Variants in PHLPP1 observed in about 807,000 individuals in gnomAD.
The protein encoded by PHLPP1 is PH domain leucine-rich repeat-containing protein phosphatase 1.
A neutral mutation model predicts 117.2 loss-of-function variants in PHLPP1; 42 were observed. The ratio of observed to expected loss-of-function variants is 0.36; its 90% CI spans 0.28 to 0.46. The LOEUF (loss-of-function observed/expected upper bound fraction) is 0.46, where lower values mean the gene tolerates loss of function less well. Among genes scored for constraint, PHLPP1 ranks in the 20% least tolerant of loss-of-function variants. The pLI, the probability that PHLPP1 is intolerant of heterozygous loss-of-function variation, is 1.00. For synonymous variants in PHLPP1, 1,042 were observed against 970.7 expected (o/e 1.07, Z -1.37); for missense variants, 2,084 against 2,241.9 (o/e 0.93, Z 1.42).
Position 62,716,877 on chromosome 18 carries a change from C to G in PHLPP1, c.1194C>G (p.Gly398=). Residue 398 remains glycine (G), a synonymous_variant, in exon 1 of 17, where the codon GGC becomes GGG. Coordinates refer to ENST00000262719, the MANE Select transcript of PHLPP1 (RefSeq NM_194449.4). The surrounding 1 kb of genome is among the most constrained non-coding windows in gnomAD (Gnocchi z 5.7). ...TGVPGQPRRP[G]HPAQPLPLPQ... is the part of the protein sequence containing the mutation. ...TCCCGGGCCAGCCCCGCCGTCCCGG[C>G]CACCCCGCGCAGCCCCTCCCGCTTC... 1 of 1,524,624 alleles carries G rather than the reference C, an allele frequency of 6.6e-7. No homozygotes were observed. Among genetic ancestry groups the G allele is most frequent in the Non-Finnish European group, 8.8e-7 (1 of 1,142,036 alleles). 94.4% of individuals were successfully genotyped at this position (1,524,624 alleles called of 1,614,324 possible).
intron 1 of PHLPP1, among the ~76,000 whole-genome samples, chr18:62,720,174 G>GT: frequency 6.6e-6 from 1 of 152,172 alleles, no homozygotes; most frequent in South Asian, 2.1e-4. Context: ...GTAATTATAG[G>GT]TTAAAAAATT....
intron 1 of PHLPP1, among the ~76,000 whole-genome samples, chr18:62,806,218 G>T (rs1037003635): frequency 2.6e-5 from 4 of 152,070 alleles, no homozygotes; most frequent in African/African-American, 9.7e-5. Flanking sequence ...AGGGAGAATT[G>T]GTAATAAGAT....
intron 1 of PHLPP1, among the ~76,000 whole-genome samples, chr18:62,760,534 C>T (rs149862876): frequency 1.3e-4 from 20 of 152,264 alleles, no homozygotes; most frequent in Non-Finnish European, 1.9e-4. Context: ...CTGGTTTCAC[C>T]GTTTACCAGT....
At chr18:62,886,307 G>T (rs986556625) in intron 4 of PHLPP1, among the ~76,000 whole-genome samples, 4 of 152,096 alleles carry the variant, frequency 2.6e-5, no homozygotes, top group Non-Finnish European at 5.9e-5. Flanking sequence ...TTATTTTAGA[G>T]ACAGGTTCTT....
In PHLPP1 at chr18:62,979,583, C is replaced by T. The variant is rs775042614; in HGVS notation, c.*152C>T. 1 of 819,796 alleles carries T rather than the reference C, an allele frequency of 1.2e-6. No homozygotes were observed. Among genetic ancestry groups the T allele is most frequent in the Non-Finnish European group, 1.9e-6 (1 of 533,442 alleles). The allele number at this position is 819,796 out of a possible 1,614,324, so 50.8% of individuals were successfully genotyped here. On this transcript the variant is annotated 3_prime_UTR_variant, in exon 17 of 17. Coordinates refer to ENST00000262719, the MANE Select transcript of PHLPP1 (RefSeq NM_194449.4). ...CGCAGCTAATCTGTAGGTTCTCTTT[C>T]TTTGGGTTATTTTTTTAAGTAATCA... is the stretch of plus-strand genomic sequence containing the variant.
chr18:62,950,290 T>C (rs752177641), intron 12 of PHLPP1, among the ~76,000 whole-genome samples: 16 of 152,218 alleles, frequency 1.1e-4, no homozygotes, highest in Non-Finnish European at 2.2e-4. Flanking sequence ...TGTGTTACCT[T>C]AACTGGGAAA....
chr18:62,816,302 A>G (rs929477916), intron 1 of PHLPP1, among the ~76,000 whole-genome samples: 5 of 152,180 alleles, frequency 3.3e-5, no homozygotes, highest in African/African-American at 1.2e-4. Context: ...GCAGTGGCTC[A>G]CGCCTGTAAT....
chr18:62,878,064 A>G (rs1916091765), intron 4 of PHLPP1, among the ~76,000 whole-genome samples: 1 of 152,188 alleles, frequency 6.6e-6, no homozygotes, highest in African/African-American at 2.4e-5. Context: ...GTCCACTTCC[A>G]TTCTTTGAGC....
rs562765245 is a variant in PHLPP1 at position 62,815,096 on chromosome 18, T to A, written c.1577-14939T>A. ...AGGGTCCATCTTGAAGTTTGCAGTC[T>A]GGCCCTAGGGGCTGGAGTTCTCTGG... On this transcript the variant is annotated intron_variant, in intron 1 of 16. Coordinates refer to ENST00000262719, the MANE Select transcript of PHLPP1 (RefSeq NM_194449.4). 4.0e-5 allele frequency among the ~76,000 whole-genome samples: 6 copies of A among 151,858 alleles called. 1 individual carries two copies. In the South Asian group the frequency reaches 1.0e-3, roughly 26 times the overall value.
intron 3 of PHLPP1, 50 bp downstream of exon 3, chr18:62,838,959 A>C (rs1275568321): frequency 1.9e-6 from 3 of 1,603,920 alleles, no homozygotes; most frequent in South Asian, 1.1e-5. Context: ...GCTGGCTACA[A>C]AGTTCCTTTC....
intron 4 of PHLPP1, among the ~76,000 whole-genome samples, chr18:62,887,768 C>A (rs750108958): frequency 1.3e-5 from 2 of 151,896 alleles, no homozygotes; most frequent in African/African-American, 4.8e-5. Context: ...GGTAGAGTCT[C>A]ACTGTATTGC....
intron 3 of PHLPP1, among the ~76,000 whole-genome samples, chr18:62,858,585 A>G (rs376397091): frequency 1.3e-5 from 2 of 152,108 alleles, no homozygotes; most frequent in East Asian, 3.9e-4. Context: ...TCTTAGGCAG[A>G]TTTACTTCTG....
At position 62,895,849 on chromosome 18, in the gene PHLPP1, A is replaced by T. The variant is rs1916548120; in HGVS notation, c.2282A>T (p.Gln761Leu). 6 of 1,613,628 alleles carry T rather than the reference A, an allele frequency of 3.7e-6. No homozygotes were observed. The highest frequency in any genetic ancestry group is 4.2e-6 in the Non-Finnish European group (5 of 1,179,624). Residue 761 changes from glutamine to leucine, a missense_variant, in exon 6 of 17, where the codon CAG becomes CTG. Physicochemically the swap from Gln to Leu is moderately radical, Grantham distance 113. This residue lies in a region of PHLPP1 where 1,365 missense variants were observed against 1,605.9 expected (regional missense o/e 0.85). Transcript: ENST00000262719. The part of the protein sequence containing the change: ...SLPAELENMK[Q>L]LSYLGLSFNE... ...CCTGCTGAGTTGGAGAACATGAAGCAGCTTAGTTATCTGGGTCTTTCTTTC... is the reference window on the plus strand; with the variant it reads ...CCTGCTGAGTTGGAGAACATGAAGCTGCTTAGTTATCTGGGTCTTTCTTTC...
At chr18:62,825,397 ATATATAT>A (rs1295142987) in intron 1 of PHLPP1, 1 of 147,462 alleles carries the variant, frequency 6.8e-6, no homozygotes, top group Non-Finnish European at 1.5e-5. Context: ...TATTATATAA[ATATATAT>A]TATATTTATT....
chr18:62,961,637 A>C (rs1910772306), intron 13 of PHLPP1, among the ~76,000 whole-genome samples: 1 of 152,208 alleles, frequency 6.6e-6, no homozygotes, highest in South Asian at 2.1e-4. Flanking sequence ...AGATGGATAA[A>C]ATGGAGTACC....
At chr18:62,833,321 G>T (rs1352933721) in intron 2 of PHLPP1, among the ~76,000 whole-genome samples, 1 of 152,178 alleles carries the variant, frequency 6.6e-6, no homozygotes, top group Non-Finnish European at 1.5e-5. Context: ...TGATCCGCCT[G>T]CTTCGGCCTC....
Position 62,860,562 on chromosome 18 carries a change from C to A in PHLPP1, c.2027C>A (p.Pro676His). 6.2e-7 allele frequency: 1 copy of A among 1,613,548 alleles called. No individual in the cohort carries two copies. The highest frequency in any genetic ancestry group is 1.1e-5 in the South Asian group (1 of 90,970). ...AAACAAAACTTCCTAAGGCAGAACC[C>A]TAGCCTTCCAGCTGCCAGGGGGCTT... ...NLKQNFLRQN[P>H]SLPAARGLNE... The change falls in exon 4 of 17, where the codon CCT becomes CAT. Residue 676 changes from proline (P) to histidine (H), a missense_variant. This residue lies in a region of PHLPP1 where 1,365 missense variants were observed against 1,605.9 expected (regional missense o/e 0.85). Coordinates refer to ENST00000262719, the MANE Select transcript of PHLPP1 (RefSeq NM_194449.4).
chr18:62,905,271 A>T lies in PHLPP1; in HGVS notation c.2695A>T (p.Met899Leu), dbSNP rs766289528. 2.0e-6 allele frequency: 3 copies of T among 1,513,774 alleles called. No homozygotes were observed. Among genetic ancestry groups the T allele is most frequent in the South Asian group, 1.5e-5 (1 of 68,392 alleles). The allele number at this position is 1,513,774 out of a possible 1,614,324, so 93.8% of individuals were successfully genotyped here. A position where few individuals can be genotyped will look rare whatever the true frequency, so the allele number is the denominator to read the frequency against. The change falls in exon 8 of 17, where the codon ATG becomes TTG. Residue 899 changes from methionine (M) to leucine (L), a missense_variant. Physicochemically the swap from Met to Leu is conservative, Grantham distance 15. Around this residue, in one of 2 missense-constraint regions of PHLPP1, gnomAD observed 1,365 missense variants for 1,605.9 expected, o/e 0.85. Coordinates refer to ENST00000262719, the MANE Select transcript of PHLPP1 (RefSeq NM_194449.4). ...CCCAGTTCCAAATTATCTGTCCTAC[A>T]TGGATGTTTCAAGGTAAGAAGTCAA... ...VYPVPNYLSY[M>L]DVSRNRLENV...
chr18:62,863,785 T>A lies in PHLPP1; in HGVS notation c.2066+3184T>A, dbSNP rs1375991746. On this transcript the variant is annotated intron_variant, in intron 4 of 16. Coordinates refer to ENST00000262719, the MANE Select transcript of PHLPP1 (RefSeq NM_194449.4). ...GTTTTGGTGGCTTTTGGCCAGCTTC[T>A]TTACCGCATCCTGTTTTATCAGCAA... 3.3e-5 allele frequency among the ~76,000 whole-genome samples: 5 copies of A among 152,290 alleles called. No homozygotes were observed. The South Asian group carries it at 1.0e-3, about 32-fold the overall frequency.
Sources: allele counts gnomAD v4.1 joint callset (sites outside exome capture counted in the v4.1 genomes callset), GRCh38; gene constraint gnomAD v4.1.1; regional missense constraint gnomAD v4.1.1; non-coding constraint Gnocchi (gnomAD v3.1); transcripts MANE v1.5; gene names NCBI Gene and HGNC (gene_info 2026-07-23, HGNC 2026-07-21).